The following PCDH15 variants were observed in gnomAD, a reference collection of about 807,000 sequenced individuals.
PCDH15 encodes the protein protocadherin-15.
PCDH15 carries 129 observed loss-of-function variants against 178.5 expected under a neutral mutation model. The ratio of observed to expected loss-of-function variants is 0.72; its 90% CI spans 0.63 to 0.84. The LOEUF is 0.84. PCDH15 is among the 40% of genes least tolerant of loss of function. PCDH15 has a pLI of 0.00. For synonymous variants in PCDH15, 800 were observed against 732.0 expected, an observed-to-expected ratio of 1.09 and a Z score of -1.50; for missense variants, 2,230 against 2,099.9, an observed-to-expected ratio of 1.06 and a Z score of -1.21.
At chr10:54,398,567 T>C (rs1446351993) in intron 3 of PCDH15, among the ~76,000 whole-genome samples, 1 of 152,046 alleles carries the variant, frequency 6.6e-6, no homozygotes, top group Non-Finnish European at 1.5e-5. Context: ...ACTTATGTGA[T>C]CTTACCTTCA....
intron 3 of PCDH15, among the ~76,000 whole-genome samples, chr10:54,809,426 A>G (rs1008148084): frequency 1.3e-5 from 2 of 152,170 alleles, no homozygotes; most frequent in South Asian, 2.1e-4. Context: ...GACCGTTTAA[A>G]TGCTTCAATT....
At chr10:54,366,511 G>A (rs1012819706) in intron 5 of PCDH15, among the ~76,000 whole-genome samples, 8 of 152,088 alleles carry the variant, frequency 5.3e-5, no homozygotes, top group African/African-American at 1.9e-4. Flanking sequence ...TAGTATGTAT[G>A]TATCTAATTT....
intron 12 of PCDH15, among the ~76,000 whole-genome samples, chr10:54,183,951 A>C (rs1318101315): frequency 6.6e-6 from 1 of 152,130 alleles, no homozygotes. Context: ...TTGCATTTAC[A>C]TATTTTGTAT....
chr10:54,974,055 T>TCA (rs1407322739), intron 2 of PCDH15, among the ~76,000 whole-genome samples: 73 of 147,812 alleles, frequency 4.9e-4, no homozygotes, highest in African/African-American at 1.5e-3. Flanking sequence ...TCTCTCTCTC[T>TCA]CTCACACACA....
At chr10:55,078,783 AC>A (rs952440786) in intron 2 of PCDH15, among the ~76,000 whole-genome samples, 6 of 150,140 alleles carry the variant, frequency 4.0e-5, no homozygotes, top group Admixed American at 1.3e-4. Flanking sequence ...CCCTTCCCAA[AC>A]CCCCCGTGGA....
intron 3 of PCDH15, among the ~76,000 whole-genome samples, chr10:54,413,706 T>C (rs1323950301): frequency 6.6e-6 from 1 of 152,194 alleles, no homozygotes; most frequent in Non-Finnish European, 1.5e-5. Context: ...TATTTCATCA[T>C]TTAAAAAAAT....
chr10:55,209,673 T>C (rs1195219887), intron 1 of PCDH15, among the ~76,000 whole-genome samples: 1 of 152,058 alleles, frequency 6.6e-6, no homozygotes, highest in Non-Finnish European at 1.5e-5. Flanking sequence ...TTGATATACA[T>C]AATGGTGGAA....
At chr10:54,925,895 C>G (rs1312378722) in intron 2 of PCDH15, among the ~76,000 whole-genome samples, 3 of 152,048 alleles carry the variant, frequency 2.0e-5, no homozygotes, top group Non-Finnish European at 2.9e-5. Context: ...CTTCTGCAAA[C>G]AGGGATAGTT....
chr10:53,808,778 GA>G, intron 37 of PCDH15: 1 of 1,612,158 alleles, frequency 6.2e-7, no homozygotes, highest in South Asian at 1.1e-5. Flanking sequence ...GCTGGTACCT[GA>G]TAGCCCCATG....
rs1174378209 is a variant in PCDH15 at position 55,600,051 on chromosome 10, A to G, written c.-156+27574T>C. On this transcript the variant is annotated intron_variant, in intron 2 of 5. Transcript: ENST00000613346. ...CAAACAAGCCAACAGGCCCCAATGT[A>G]TCATCCCTGCATTAAAAATTTTGGT... is the stretch of plus-strand genomic sequence containing the variant. 7.7e-6 allele frequency: 8 copies of G among 1,039,494 alleles called. No homozygotes were observed. In the East Asian group the frequency reaches 1.2e-4, roughly 15 times the overall value. 64.4% of individuals were successfully genotyped at this position (1,039,494 alleles called of 1,614,324 possible). A position where few individuals can be genotyped will look rare whatever the true frequency, so the allele number is the denominator to read the frequency against.
rs78938135 is a variant in PCDH15 at position 55,402,485 on chromosome 10, G to A, written c.-156+225140C>T. On this transcript the variant is annotated intron_variant, in intron 2 of 5. Transcript: ENST00000613346. ...CTTATTCTTTCTGTCTAACTTGTCT[G>A]TTTGTACCCACTAACCAACCTTTCC... is the stretch of plus-strand genomic sequence containing the variant. 6.6e-3 allele frequency among the ~76,000 whole-genome samples: 1,004 copies of A among 151,914 alleles called. 10 individuals carry two copies. The highest frequency in any genetic ancestry group is 0.023 in the African/African-American group (967 of 41,484).
chr10:55,601,633 A>G (rs1250136668), intron 2 of PCDH15, among the ~76,000 whole-genome samples: 2 of 152,210 alleles, frequency 1.3e-5, no homozygotes, highest in Non-Finnish European at 2.9e-5. Context: ...ACAATGATAT[A>G]AAGAATAAAA....
chr10:55,475,885 G>GA (rs2132112233), intron 2 of PCDH15, among the ~76,000 whole-genome samples: 1 of 152,124 alleles, frequency 6.6e-6, no homozygotes, highest in South Asian at 2.1e-4. Flanking sequence ...CCTTCTCTTT[G>GA]AAAATCATAA....
chr10:55,379,550 T>C (rs1443690908), intron 2 of PCDH15, among the ~76,000 whole-genome samples: 7 of 152,114 alleles, frequency 4.6e-5, no homozygotes, highest in Non-Finnish European at 1.0e-4. Context: ...AAAACACTAC[T>C]TTATATATGG....
chr10:54,043,293 A>T (rs1047731236), intron 18 of PCDH15, among the ~76,000 whole-genome samples: 1 of 152,168 alleles, frequency 6.6e-6, no homozygotes, highest in African/African-American at 2.4e-5. Context: ...GACCTCCATT[A>T]GCACGTTTAA....
intron 2 of PCDH15, among the ~76,000 whole-genome samples, chr10:55,437,838 T>TC (rs1839080410): frequency 1.4e-5 from 2 of 146,796 alleles, no homozygotes; most frequent in Non-Finnish European, 1.5e-5. Flanking sequence ...TTTTCTTTTT[T>TC]TTTTTTTTTT....
chr10:54,017,638 T>C (rs547044594), intron 20 of PCDH15, among the ~76,000 whole-genome samples: 2 of 151,426 alleles, frequency 1.3e-5, no homozygotes, highest in East Asian at 3.9e-4. Flanking sequence ...AGACAGAAAT[T>C]GGGTGGGGTA....
At chr10:54,578,431 A>G (rs2133744607) in intron 2 of PCDH15, among the ~76,000 whole-genome samples, 1 of 152,264 alleles carries the variant, frequency 6.6e-6, no homozygotes, top group Non-Finnish European at 1.5e-5. Context: ...TTAACCTTAT[A>G]GGAAAACACT....
chr10:55,509,778 A>T (rs1386962469), intron 2 of PCDH15, among the ~76,000 whole-genome samples: 3 of 151,912 alleles, frequency 2.0e-5, no homozygotes, highest in Non-Finnish European at 4.4e-5. Flanking sequence ...TTGGGTTCTA[A>T]ACGTGTAAGT....
Sources: gnomAD v4.1 joint callset for allele counts (sites outside exome capture counted in the v4.1 genomes callset) on GRCh38, gnomAD v4.1.1 for gene constraint, MANE v1.5 for transcripts, NCBI Gene and HGNC (gene_info 2026-07-23, HGNC 2026-07-21) for gene names.